PHLDA3: variants seen among roughly 807,000 people sequenced by gnomAD.
The protein encoded by PHLDA3 is pleckstrin homology like domain family A member 3, also known as pleckstrin homology-like domain family A member 3.
Under a neutral mutation model 7.6 loss-of-function variants are expected in PHLDA3, and 12 were observed. The ratio of observed to expected loss-of-function variants is 1.58; its 90% CI spans 1.01 to 2.55. The LOEUF is 2.55. Ranked by LOEUF, PHLDA3 falls within the 30% of genes most tolerant of loss-of-function variation. The pLI, the probability that PHLDA3 is intolerant of heterozygous loss-of-function variation, is 0.00. For missense variants in PHLDA3, 177 were observed against 175.6 expected (o/e 1.01, Z -0.05); for synonymous variants, 104 against 85.1 (o/e 1.22, Z -1.23).
In PHLDA3 at chr1:201,468,771, T is replaced by TCGC; in HGVS notation, c.13_15dup (p.Ala5dup). 1 of 1,562,660 alleles carries TCGC rather than the reference T, an allele frequency of 6.4e-7. No individual in the cohort carries two copies. The highest frequency in any genetic ancestry group is 8.6e-7 in the Non-Finnish European group (1 of 1,162,206). On this transcript the variant is annotated inframe_insertion, in exon 1 of 2. Transcript: ENST00000367311. ...ACGCCCTCCTTGAGCACGGTAGCCG[T>TCGC]CGCCGCCGCCGTCATGGGCGCCCCG...
rs1232488848 is a variant in PHLDA3 at position 201,465,160 on chromosome 1, A to T, written c.*1081T>A. ...TTTAACCCTCCAGGAGGGAGAACTTACTGTGTAAATGTATAAAGCCTGAGA... is the reference window on the plus strand; with the variant it reads ...TTTAACCCTCCAGGAGGGAGAACTTTCTGTGTAAATGTATAAAGCCTGAGA... On this transcript the variant is annotated 3_prime_UTR_variant, in exon 2 of 2. Transcript: ENST00000367311. 1 of 152,146 alleles carries T rather than the reference A, an allele frequency of 6.6e-6. No homozygotes were observed. The highest frequency in any genetic ancestry group is 1.5e-5 in the Non-Finnish European group (1 of 68,032). 9.4% of individuals were successfully genotyped at this position (152,146 alleles called of 1,614,324 possible). A position where few individuals can be genotyped will look rare whatever the true frequency, so the allele number is the denominator to read the frequency against.
chr1:201,466,963 A>G (rs1346205260), intron 1 of PHLDA3, among the ~76,000 whole-genome samples: 3 of 152,044 alleles, frequency 2.0e-5, no homozygotes, highest in Admixed American at 1.3e-4. Context: ...GCAGTTGCCT[A>G]TCCTTCAGCT....
At position 201,468,419 on chromosome 1, in the gene PHLDA3, C is replaced by A. The variant is rs766818604; in HGVS notation, c.368G>T (p.Gly123Val). ...TVRARQSLGT[G>V]TLVS is the part of the protein sequence containing the mutation. Reference sequence around the variant, plus strand: ...CCCGGTGGTTTAGGACACGAGGGTCCCGGTCCCGAGGCTCTGCCGGGCCCG... The same window carrying A: ...CCCGGTGGTTTAGGACACGAGGGTCACGGTCCCGAGGCTCTGCCGGGCCCG... Residue 123 changes from glycine to valine, a missense_variant, in exon 1 of 2, where the codon GGG (glycine) becomes GTG (valine). Gly to Val is a moderately radical substitution (Grantham distance 109, BLOSUM62 -3). Coordinates refer to ENST00000367311, the MANE Select transcript of PHLDA3 (RefSeq NM_012396.5). The A allele has an allele frequency of 8.1e-6, 13 of 1,613,842 alleles. No homozygotes were observed. The highest frequency in any genetic ancestry group is 1.0e-5 in the Non-Finnish European group (12 of 1,179,910).
In PHLDA3 at chr1:201,468,557, G is replaced by A. The variant is rs1244149277; in HGVS notation, c.230C>T (p.Thr77Ile). ...TGRHIYFTLV[T>I]EGGGEIDFRC... The stretch of plus-strand genomic sequence containing the variant: ...GAAGTCGATCTCGCCGCCCCCTTCG[G>A]TCACCAGCGTGAAGTAGATGTGGCG... Residue 77 changes from threonine (T) to isoleucine (I), a missense_variant, in exon 1 of 2, where the codon ACC becomes ATC. Physicochemically the swap from Thr to Ile is moderately conservative, Grantham distance 89. Coordinates refer to ENST00000367311, the MANE Select transcript of PHLDA3 (RefSeq NM_012396.5). 1.2e-6 allele frequency: 2 copies of A among 1,613,988 alleles called. No homozygotes were observed. The highest frequency in any genetic ancestry group is 2.7e-5 in the African/African-American group (2 of 74,944).
chr1:201,468,471 T>A lies in PHLDA3; in HGVS notation c.316A>T (p.Lys106Ter). The A allele has an allele frequency of 6.2e-7, 1 of 1,614,186 alleles. No individual in the cohort carries two copies. The highest frequency in any genetic ancestry group is 1.3e-5 in the African/African-American group (1 of 75,058). Reference protein sequence around the residue: ...AQITLGLVKFKNQQAIQTVRA... With the variant: ...AQITLGLVKF Reference sequence around the variant, plus strand: ...ACTGTCTGGATGGCCTGCTGGTTCTTGAACTTGACCAGGCCTAGGGTGATC... The same window carrying A: ...ACTGTCTGGATGGCCTGCTGGTTCTAGAACTTGACCAGGCCTAGGGTGATC... The change falls in exon 1 of 2, where the codon AAG becomes TAG. Residue 106 changes from lysine (K) to a stop codon, truncating the protein, a stop_gained. Transcript: ENST00000367311. LOFTEE classifies it high-confidence loss of function.
chr1:201,468,234 C>G (rs1413237959), intron 1 of PHLDA3, 107 bp downstream of exon 1: 1 of 832,708 alleles, frequency 1.2e-6, no homozygotes, highest in African/African-American at 1.7e-5. Context: ...AGGAACCTCC[C>G]CCCTAAGATG....
Position 201,468,882 on chromosome 1 carries a change from GC to G in PHLDA3, c.-97del. The stretch of plus-strand genomic sequence containing the variant: ...GGATTCTGGCGCCCCGGGCTGGCAG[GC>G]CGTGCGCGCTGCCCACCTGCGCCCT... On this transcript the variant is annotated 5_prime_UTR_variant, in exon 1 of 2. Coordinates refer to ENST00000367311, the MANE Select transcript of PHLDA3 (RefSeq NM_012396.5). The G allele has an allele frequency of 7.6e-7, 1 of 1,308,638 alleles. No homozygotes were observed. Among genetic ancestry groups the G allele is most frequent in the Non-Finnish European group, 9.8e-7 (1 of 1,016,266 alleles). 81.1% of individuals were successfully genotyped at this position (1,308,638 alleles called of 1,614,324 possible). A position where few individuals can be genotyped will look rare whatever the true frequency, so the allele number is the denominator to read the frequency against.
In PHLDA3 at chr1:201,464,942, T is replaced by C. The variant is rs1009432276; in HGVS notation, c.*1299A>G. ...ATTCTCCTGCCTCAGCCTCCCCCAGTAGCTGGGGCTATAGGTGTGTGCCAC... is the reference window on the plus strand; with the variant it reads ...ATTCTCCTGCCTCAGCCTCCCCCAGCAGCTGGGGCTATAGGTGTGTGCCAC... On this transcript the variant is annotated 3_prime_UTR_variant, in exon 2 of 2. Transcript: ENST00000367311. The C allele has an allele frequency of 2.0e-5, 3 of 152,242 alleles. No homozygotes were observed. Among genetic ancestry groups the C allele is most frequent in the African/African-American group, 7.2e-5 (3 of 41,440 alleles). The allele number at this position is 152,242 out of a possible 1,614,324, so 9.4% of individuals were successfully genotyped here.
In PHLDA3 at chr1:201,464,487, G is replaced by C. The variant is rs1266371396; in HGVS notation, c.*1754C>G. 1 of 152,228 alleles carries C rather than the reference G, an allele frequency of 6.6e-6. No homozygotes were observed. Among genetic ancestry groups the C allele is most frequent in the Non-Finnish European group, 1.5e-5 (1 of 68,050 alleles). 9.4% of individuals were successfully genotyped at this position (152,228 alleles called of 1,614,324 possible). A position where few individuals can be genotyped will look rare whatever the true frequency, so the allele number is the denominator to read the frequency against. On this transcript the variant is annotated 3_prime_UTR_variant, in exon 2 of 2. Coordinates refer to ENST00000367311, the MANE Select transcript of PHLDA3 (RefSeq NM_012396.5). ...AGATGAGCAAGTTGAACCTCTTGTG[G>C]ACTCTGAGGGACTGGGGCACAGGAC...
Position 201,465,839 on chromosome 1 carries a change from T to C in PHLDA3, c.*402A>G. On this transcript the variant is annotated 3_prime_UTR_variant, in exon 2 of 2. Coordinates refer to ENST00000367311, the MANE Select transcript of PHLDA3 (RefSeq NM_012396.5). Reference sequence around the variant, plus strand: ...CCTGAGGCGTTGGCTCGGCACCCCATGGGGGACTGCCCTCCTCCAGGCCTG... The same window carrying C: ...CCTGAGGCGTTGGCTCGGCACCCCACGGGGGACTGCCCTCCTCCAGGCCTG... 1.3e-5 allele frequency: 2 copies of C among 155,018 alleles called. No individual in the cohort carries two copies. Among genetic ancestry groups the C allele is most frequent in the Middle Eastern group, 1.0e-3 (2 of 1,924 alleles). The allele number at this position is 155,018 out of a possible 1,614,324, so 9.6% of individuals were successfully genotyped here. A position where few individuals can be genotyped will look rare whatever the true frequency, so the allele number is the denominator to read the frequency against.
chr1:201,468,724 C>A lies in PHLDA3; in HGVS notation c.63G>T (p.Gly21=), dbSNP rs1389675356. Residue 21 remains glycine (G), a synonymous_variant, in exon 1 of 2, where the codon GGG becomes GGT. Transcript: ENST00000367311. ...KEGVLEKRSG[G]LLQLWKRKRC... is the part of the protein sequence containing the mutation. The stretch of plus-strand genomic sequence containing the variant: ...GCTTCCGCTTCCACAGCTGCAGCAG[C>A]CCGCCGCTGCGCTTCTCCAGCACGC... 1.2e-6 allele frequency: 2 copies of A among 1,602,062 alleles called. No homozygotes were observed. The highest frequency in any genetic ancestry group is 1.7e-5 in the Admixed American group (1 of 59,366).
In PHLDA3 at chr1:201,468,566, G is replaced by A. The variant is rs1663737262; in HGVS notation, c.221C>T (p.Thr74Met). 1.2e-6 allele frequency: 2 copies of A among 1,614,114 alleles called. No individual in the cohort carries two copies. The highest frequency in any genetic ancestry group is 1.7e-6 in the Non-Finnish European group (2 of 1,180,036). The change falls in exon 1 of 2, where the codon ACG becomes ATG. Residue 74 changes from threonine to methionine, a missense_variant. Transcript: ENST00000367311. ...CTCGCCGCCCCCTTCGGTCACCAGC[G>A]TGAAGTAGATGTGGCGCCCGGTGCT... ...VESTGRHIYF[T>M]LVTEGGGEID...
chr1:201,468,898 A>C lies in PHLDA3; in HGVS notation c.-112T>G. ...GGCTGGCAGGCCGTGCGCGCTGCCC[A>C]CCTGCGCCCTGACTGCTCCGCGCAC... On this transcript the variant is annotated 5_prime_UTR_variant, in exon 1 of 2. Coordinates refer to ENST00000367311, the MANE Select transcript of PHLDA3 (RefSeq NM_012396.5). 8.3e-7 allele frequency: 1 copy of C among 1,208,648 alleles called. No homozygotes were observed. The highest frequency in any genetic ancestry group is 1.1e-6 in the Non-Finnish European group (1 of 930,546). The allele number at this position is 1,208,648 out of a possible 1,614,324, so 74.9% of individuals were successfully genotyped here.
rs556717618 is a variant in PHLDA3 at position 201,464,341 on chromosome 1, C to T, written c.*1900G>A. The stretch of plus-strand genomic sequence containing the variant: ...GTTGCATAAACAGACGCTTATTTGC[C>T]ATGGTGGGATTAAGCCACCCATGGA... On this transcript the variant is annotated 3_prime_UTR_variant, in exon 2 of 2. Transcript: ENST00000367311. 1 of 152,276 alleles carries T rather than the reference C, an allele frequency of 6.6e-6. No individual in the cohort carries two copies. The highest frequency in any genetic ancestry group is 6.5e-5 in the Admixed American group (1 of 15,296). 9.4% of individuals were successfully genotyped at this position (152,276 alleles called of 1,614,324 possible). A position where few individuals can be genotyped will look rare whatever the true frequency, so the allele number is the denominator to read the frequency against.
In PHLDA3 at chr1:201,466,170, A is replaced by G. The variant is rs777745148; in HGVS notation, c.*71T>C. 1 of 154,414 alleles carries G rather than the reference A, an allele frequency of 6.5e-6. No individual in the cohort carries two copies. The highest frequency in any genetic ancestry group is 1.5e-5 in the Non-Finnish European group (1 of 68,136). The allele number at this position is 154,414 out of a possible 1,614,324, so 9.6% of individuals were successfully genotyped here. ...GCCGTGCCCCCACAAGCCAGAGGGA[A>G]CAACGAAGCTGGCAAGAAAGAACAG... is the stretch of plus-strand genomic sequence containing the variant. On this transcript the variant is annotated 3_prime_UTR_variant, in exon 2 of 2. Transcript: ENST00000367311.
chr1:201,468,751 C>G lies in PHLDA3; in HGVS notation c.36G>C (p.Glu12Asp), dbSNP rs761996836. The change falls in exon 1 of 2, where the codon GAG (glutamate) becomes GAC (aspartate). Residue 12 changes from glutamate (E) to aspartate (D), a missense_variant. Physicochemically the swap from Glu to Asp is conservative, Grantham distance 45. Coordinates refer to ENST00000367311, the MANE Select transcript of PHLDA3 (RefSeq NM_012396.5). ...CGCCGCTGCGCTTCTCCAGCACGCCCTCCTTGAGCACGGTAGCCGTCGCCG... is the reference window on the plus strand; with the variant it reads ...CGCCGCTGCGCTTCTCCAGCACGCCGTCCTTGAGCACGGTAGCCGTCGCCG... Reference protein sequence around the residue: ...TAAATATVLKEGVLEKRSGGL... With the variant: ...TAAATATVLKDGVLEKRSGGL... 2 of 1,588,916 alleles carry G rather than the reference C, an allele frequency of 1.3e-6. No homozygotes were observed. Among genetic ancestry groups the G allele is most frequent in the African/African-American group, 2.7e-5 (2 of 74,428 alleles).
At position 201,468,917 on chromosome 1, in the gene PHLDA3, C is replaced by G. The variant is rs1663755484; in HGVS notation, c.-131G>C. On this transcript the variant is annotated 5_prime_UTR_variant, in exon 1 of 2. Transcript: ENST00000367311. ...CTGCCCACCTGCGCCCTGACTGCTC[C>G]GCGCACCCACACCGCGGCCCTCAGC... is the stretch of plus-strand genomic sequence containing the variant. 3 of 1,025,094 alleles carry G rather than the reference C, an allele frequency of 2.9e-6. No individual in the cohort carries two copies. The highest frequency in any genetic ancestry group is 4.3e-5 in the Admixed American group (1 of 23,394). The allele number at this position is 1,025,094 out of a possible 1,614,324, so 63.5% of individuals were successfully genotyped here. A position where few individuals can be genotyped will look rare whatever the true frequency, so the allele number is the denominator to read the frequency against.
At chr1:201,466,708 G>A (rs2102393096) in intron 1 of PHLDA3, 1 of 152,370 alleles carries the variant, frequency 6.6e-6, no homozygotes, top group South Asian at 2.1e-4. Context: ...TCTATTCCTG[G>A]CCCCTCCCCT....
rs1261241970 is a variant in PHLDA3, at chr1:201,468,472, G to A, written c.315C>T (p.Phe105=). The part of the protein sequence containing the change: ...NAQITLGLVK[F]KNQQAIQTVR... ...CTGTCTGGATGGCCTGCTGGTTCTT[G>A]AACTTGACCAGGCCTAGGGTGATCT... The change falls in exon 1 of 2, where the codon TTC becomes TTT. Residue 105 remains phenylalanine, a synonymous_variant. Coordinates refer to ENST00000367311, the MANE Select transcript of PHLDA3 (RefSeq NM_012396.5). The A allele has an allele frequency of 6.2e-7, 1 of 1,614,192 alleles. No individual in the cohort carries two copies. The highest frequency in any genetic ancestry group is 8.5e-7 in the Non-Finnish European group (1 of 1,180,024).
Sources: gnomAD v4.1 joint callset for allele counts (sites outside exome capture counted in the v4.1 genomes callset) on GRCh38, gnomAD v4.1.1 for gene constraint, MANE v1.5 for transcripts, NCBI Gene and HGNC (gene_info 2026-07-23, HGNC 2026-07-21) for gene names.